Variants in KIFC1 observed in about 807,000 individuals in gnomAD.
KIFC1 encodes kinesin family member C1.
A neutral mutation model predicts 66.6 loss-of-function variants in KIFC1; 37 were observed. That is an observed-to-expected ratio of 0.56 (90% CI 0.43 to 0.73). The LOEUF is 0.73. KIFC1 is among the 30% of genes least tolerant of loss of function. The pLI is 0.00. For missense variants in KIFC1, 721 were observed against 859.8 expected (o/e 0.84, Z 2.02); for synonymous variants, 325 against 343.5 (o/e 0.95, Z 0.60).
At position 33,399,084 on chromosome 6, in the gene KIFC1, A is replaced by T. The variant is rs184943147; in HGVS notation, c.250+697A>T. Among the ~76,000 whole-genome samples the T allele has an allele frequency of 1.3e-5, 2 of 152,324 alleles. 1 individual carries two copies. The highest frequency in any genetic ancestry group is 1.3e-4 in the Admixed American group (2 of 15,304). On this transcript the variant is annotated intron_variant, in intron 3 of 10. Coordinates refer to ENST00000428849, the MANE Select transcript of KIFC1 (RefSeq NM_002263.4). ...TCTGCTTCTGCAGATTCAACCAACCATCGGTTGAAAATATTCAAGGAGAGT... is the reference window on the plus strand; with the variant it reads ...TCTGCTTCTGCAGATTCAACCAACCTTCGGTTGAAAATATTCAAGGAGAGT...
chr6:33,407,036 TTTGAG>T lies in KIFC1; in HGVS notation c.1977+164_1977+168del, dbSNP rs1221850858. On this transcript the variant is annotated intron_variant, in intron 10 of 10. Coordinates refer to ENST00000428849, the MANE Select transcript of KIFC1 (RefSeq NM_002263.4). ...CTGGTTCCATTTTTAATTATTAGCT[TTTGAG>T]TTAAGTTTTTTAAAAAACGGGTGAT... is the stretch of plus-strand genomic sequence containing the variant. 20 of 1,425,924 alleles carry T rather than the reference TTTGAG, an allele frequency of 1.4e-5. No homozygotes were observed. The Admixed American group carries it at 2.7e-4, about 19-fold the overall frequency. The allele number at this position is 1,425,924 out of a possible 1,614,324, so 88.3% of individuals were successfully genotyped here. A position where few individuals can be genotyped will look rare whatever the true frequency, so the allele number is the denominator to read the frequency against.
Position 33,403,464 on chromosome 6 carries a change from G to T in KIFC1, c.305-21G>T. The stretch of plus-strand genomic sequence containing the variant: ...GGGACACTGGTCCTGTAATTCCTAA[G>T]TCACCTCCTCAATTCTGTAGGGTTG... On this transcript the variant is annotated intron_variant, in intron 4 of 10. Coordinates refer to ENST00000428849, the MANE Select transcript of KIFC1 (RefSeq NM_002263.4). The surrounding 1 kb of genome is among the most constrained non-coding windows in gnomAD (Gnocchi z 4.6). The T allele has an allele frequency of 6.2e-7, 1 of 1,613,812 alleles. No individual in the cohort carries two copies. The highest frequency in any genetic ancestry group is 8.5e-7 in the Non-Finnish European group (1 of 1,179,670).
chr6:33,406,508 G>T lies in KIFC1; in HGVS notation c.1827+22G>T. On this transcript the variant is annotated intron_variant, in intron 8 of 10. Coordinates refer to ENST00000428849, the MANE Select transcript of KIFC1 (RefSeq NM_002263.4). This position sits in a 1 kb window ranked among gnomAD's most constrained non-coding sequence, Gnocchi z 4.5. ...CAAGGTGGGAATGGGAGTGGGGTGA[G>T]ATACGGGACCTGGGGGACAGTTGGG... The T allele has an allele frequency of 1.2e-6, 2 of 1,606,252 alleles. No individual in the cohort carries two copies. Among genetic ancestry groups the T allele is most frequent in the Non-Finnish European group, 1.7e-6 (2 of 1,175,080 alleles).
At chr6:33,392,221 C>G (rs575233202) in intron 1 of KIFC1, among the ~76,000 whole-genome samples, 54 of 152,366 alleles carry the variant, frequency 3.5e-4, no homozygotes, top group African/African-American at 1.2e-3. Context: ...CCCCTAGCTT[C>G]AAGTTTCTGG....
At position 33,406,202 on chromosome 6, in the gene KIFC1, G is replaced by A. The variant is rs748544367; in HGVS notation, c.1543G>A (p.Ala515Thr). 9.4e-6 allele frequency: 15 copies of A among 1,603,014 alleles called. No homozygotes were observed. Among genetic ancestry groups the A allele is most frequent in the Admixed American group, 6.7e-5 (4 of 59,310 alleles). The change falls in exon 8 of 11, where the codon GCC (alanine) becomes ACC (threonine). Residue 515 changes from alanine to threonine, a missense_variant. Transcript: ENST00000428849. The surrounding 1 kb of genome is among the most constrained non-coding windows in gnomAD (Gnocchi z 4.5). ...CTTCTGCTCCCATCCCCAGGTGGAC[G>A]CCCTGCTTCATCTGGCCCGCCAGAA... ...VPVSCEKEVD[A>T]LLHLARQNRA...
rs1774801083 is a variant in KIFC1, at chr6:33,391,920, C to A, written c.-66C>A. 6.2e-7 allele frequency: 1 copy of A among 1,603,600 alleles called. No homozygotes were observed. The highest frequency in any genetic ancestry group is 1.3e-5 in the African/African-American group (1 of 74,768). On this transcript the variant is annotated 5_prime_UTR_variant, in exon 1 of 11. Transcript: ENST00000428849. ...GCGAGCGGGCGAGAGAACGCGAGTC[C>A]CAGGATCCCCGGCACCCAGTTCTCT... is the stretch of plus-strand genomic sequence containing the variant.
rs777593729 is a variant in KIFC1 at position 33,404,075 on chromosome 6, G to A, written c.702G>A (p.Gln234=). ...TGGTGCAAGAGCTTCAGAAAAAACA[G>A]GTGGAATTGCAGGAAGAACGGAGGG... The part of the protein sequence containing the change: ...EGLVQELQKK[Q]VELQEERRGL... The change falls in exon 6 of 11, where the codon CAG becomes CAA. Residue 234 remains glutamine (Q), a synonymous_variant. Transcript: ENST00000428849. This position sits in a 1 kb window ranked among gnomAD's most constrained non-coding sequence, Gnocchi z 4.0. The A allele has an allele frequency of 6.2e-7, 1 of 1,614,156 alleles. No homozygotes were observed. Among genetic ancestry groups the A allele is most frequent in the South Asian group, 1.1e-5 (1 of 91,080 alleles).
At position 33,391,897 on chromosome 6, in the gene KIFC1, G is replaced by T; in HGVS notation, c.-89G>T. The T allele has an allele frequency of 2.6e-6, 4 of 1,527,440 alleles. No homozygotes were observed. The highest frequency in any genetic ancestry group is 3.6e-6 in the Non-Finnish European group (4 of 1,104,904). 94.6% of individuals were successfully genotyped at this position (1,527,440 alleles called of 1,614,324 possible). A position where few individuals can be genotyped will look rare whatever the true frequency, so the allele number is the denominator to read the frequency against. On this transcript the variant is annotated 5_prime_UTR_variant, in exon 1 of 11. Transcript: ENST00000428849. ...GTGCGAGTTCTCTACCCTGCTTCGC[G>T]AGCGGGCGAGAGAACGCGAGTCCCA...
chr6:33,396,565 C>G (rs763852405), intron 1 of KIFC1, among the ~76,000 whole-genome samples: 25 of 151,572 alleles, frequency 1.6e-4, no homozygotes, highest in Non-Finnish European at 3.4e-4. Flanking sequence ...ACCTCAGCCT[C>G]CCTTGTAGCT....
Position 33,403,696 on chromosome 6 carries a change from C to T in KIFC1, c.356-33C>T. On this transcript the variant is annotated intron_variant, in intron 5 of 10. Transcript: ENST00000428849. This position sits in a 1 kb window ranked among gnomAD's most constrained non-coding sequence, Gnocchi z 4.6. ...GAGGAGGGATAGAGAGCCTAGACTT[C>T]ACTGACCTTTGTCCTTTCTGTGTTC... 1 of 1,603,910 alleles carries T rather than the reference C, an allele frequency of 6.2e-7. No homozygotes were observed. Among genetic ancestry groups the T allele is most frequent in the Non-Finnish European group, 8.5e-7 (1 of 1,173,922 alleles).
chr6:33,405,829 AT>A lies in KIFC1; in HGVS notation c.1536+199del, dbSNP rs1775619436. ...CCTGGGAGTGGCGAGGGAGTGATGC[AT>A]CTGCCAAAACGAGGAGGGTCACTAC... On this transcript the variant is annotated intron_variant, in intron 7 of 10. Transcript: ENST00000428849. This position sits in a 1 kb window ranked among gnomAD's most constrained non-coding sequence, Gnocchi z 5.4. Among the ~76,000 whole-genome samples, 1 of 152,150 alleles carries A rather than the reference AT, an allele frequency of 6.6e-6. No individual in the cohort carries two copies. Among genetic ancestry groups the A allele is most frequent in the African/African-American group, 2.4e-5 (1 of 41,426 alleles).
intron 10 of KIFC1, chr6:33,407,088 AT>A (rs1167542605): frequency 1.0e-5 from 14 of 1,385,656 alleles, no homozygotes; most frequent in African/African-American, 2.9e-5. Flanking sequence ...GAGAAAGCTG[AT>A]TAAAAAAAAA....
rs141718768 is a variant in KIFC1, at chr6:33,398,098, C to T, written c.82C>T (p.Leu28=). The T allele has an allele frequency of 3.3e-5, 54 of 1,613,958 alleles. No homozygotes were observed. Among genetic ancestry groups the T allele is most frequent in the Non-Finnish European group, 4.5e-5 (53 of 1,179,966 alleles). The change falls in exon 2 of 11, where the codon CTG becomes TTG. Residue 28 remains leucine (L), a synonymous_variant. Coordinates refer to ENST00000428849, the MANE Select transcript of KIFC1 (RefSeq NM_002263.4). Reference sequence around the variant, plus strand: ...ACCTCTGATTAAGGCCCCTTCCCAGCTGCCTCTCTCAGGAAGCAGACTCAA... The same window carrying T: ...ACCTCTGATTAAGGCCCCTTCCCAGTTGCCTCTCTCAGGAAGCAGACTCAA... ...KRPLIKAPSQ[L]PLSGSRLKRR...
In KIFC1 at chr6:33,403,260, A is replaced by G. The variant is rs1775466916; in HGVS notation, c.251-54A>G. The G allele has an allele frequency of 2.0e-6, 3 of 1,497,336 alleles. No individual in the cohort carries two copies. The highest frequency in any genetic ancestry group is 1.4e-5 in the African/African-American group (1 of 72,464). The allele number at this position is 1,497,336 out of a possible 1,614,324, so 92.8% of individuals were successfully genotyped here. Reference sequence around the variant, plus strand: ...TCTGCCCCTGTCCTAGCAAGTGTACATGCCATCTTAAGAATGATCATTCTA... The same window carrying G: ...TCTGCCCCTGTCCTAGCAAGTGTACGTGCCATCTTAAGAATGATCATTCTA... On this transcript the variant is annotated intron_variant, in intron 3 of 10. Transcript: ENST00000428849. This position sits in a 1 kb window ranked among gnomAD's most constrained non-coding sequence, Gnocchi z 4.6.
chr6:33,400,379 CTG>C lies in KIFC1; in HGVS notation c.250+1994_250+1995del, dbSNP rs1416036513. 6.3e-7 allele frequency: 1 copy of C among 1,597,758 alleles called. No homozygotes were observed. The highest frequency in any genetic ancestry group is 8.5e-7 in the Non-Finnish European group (1 of 1,174,110). ...TGTCTGTTCTCAATGGTCAGTTTCA[CTG>C]TAATCCTCAGGCCCTTCCAGTCACC... On this transcript the variant is annotated intron_variant, in intron 3 of 10. Transcript: ENST00000428849. This position sits in a 1 kb window ranked among gnomAD's most constrained non-coding sequence, Gnocchi z 4.3.
rs1581918287 is a variant in KIFC1, at chr6:33,403,803, T to C, written c.430T>C (p.Cys144Arg). The change falls in exon 6 of 11, where the codon TGT (cysteine) becomes CGT (arginine). Residue 144 changes from cysteine (C) to arginine (R), a missense_variant. Transcript: ENST00000428849. This position sits in a 1 kb window ranked among gnomAD's most constrained non-coding sequence, Gnocchi z 4.6. ...RPAWDLKGQL[C>R]DLNAELKRCR... is the part of the protein sequence containing the mutation. The stretch of plus-strand genomic sequence containing the variant: ...AGCCTGGGACTTAAAGGGTCAGTTA[T>C]GTGACCTAAATGCAGAACTAAAACG... 1.2e-6 allele frequency: 2 copies of C among 1,614,204 alleles called. No individual in the cohort carries two copies. The highest frequency in any genetic ancestry group is 1.7e-6 in the Non-Finnish European group (2 of 1,180,034).
At chr6:33,392,024 G>A in intron 1 of KIFC1, 27 bp downstream of exon 1, 1 of 1,613,050 alleles carries the variant, frequency 6.2e-7, no homozygotes, top group Non-Finnish European at 8.5e-7. Context: ...CAGGTGTCCT[G>A]CCCTGGGGAT....
rs1167980016 is a variant in KIFC1 at position 33,405,521 on chromosome 6, G to A, written c.1426G>A (p.Gly476Arg). 3 of 1,612,140 alleles carry A rather than the reference G, an allele frequency of 1.9e-6. No individual in the cohort carries two copies. Among genetic ancestry groups the A allele is most frequent in the Non-Finnish European group, 1.7e-6 (2 of 1,179,156 alleles). ...NETVRDLLAT[G>R]TRKGQGGECE... ...GACTGTCCGGGACCTGCTGGCCACTGGAACCCGGAAGGGTCAAGGGGGCGA... is the reference window on the plus strand; with the variant it reads ...GACTGTCCGGGACCTGCTGGCCACTAGAACCCGGAAGGGTCAAGGGGGCGA... Residue 476 changes from glycine (G) to arginine (R), a missense_variant, in exon 7 of 11, where the codon GGA (glycine) becomes AGA (arginine). Coordinates refer to ENST00000428849, the MANE Select transcript of KIFC1 (RefSeq NM_002263.4). The surrounding 1 kb of genome is among the most constrained non-coding windows in gnomAD (Gnocchi z 5.4).
At position 33,406,750 on chromosome 6, in the gene KIFC1, A is replaced by G; in HGVS notation, c.1902-50A>G. On this transcript the variant is annotated intron_variant, in intron 9 of 10. Transcript: ENST00000428849. The surrounding 1 kb of genome is among the most constrained non-coding windows in gnomAD (Gnocchi z 4.5). Reference sequence around the variant, plus strand: ...AAAGGGGAACAGTGGAGACCTGTCCAGGCTCTGCTGGCCCCTAATGCTGGG... The same window carrying G: ...AAAGGGGAACAGTGGAGACCTGTCCGGGCTCTGCTGGCCCCTAATGCTGGG... 6.2e-7 allele frequency: 1 copy of G among 1,612,108 alleles called. No homozygotes were observed. Among genetic ancestry groups the G allele is most frequent in the Non-Finnish European group, 8.5e-7 (1 of 1,178,168 alleles).
Sources: gnomAD v4.1 joint callset for allele counts (sites outside exome capture counted in the v4.1 genomes callset) on GRCh38, gnomAD v4.1.1 for gene constraint, Gnocchi (gnomAD v3.1) non-coding constraint, MANE v1.5 for transcripts, NCBI Gene and HGNC (gene_info 2026-07-23, HGNC 2026-07-21) for gene names.